Variants in CWF19L2 observed in about 807,000 individuals in gnomAD.
The protein encoded by CWF19L2 is CWF19 like cell cycle control factor 2, also known as CWF19-like protein 2.
CWF19L2 carries 98 observed loss-of-function variants against 111.7 expected under a neutral mutation model. The ratio of observed to expected loss-of-function variants is 0.88; its 90% CI spans 0.75 to 1.04. The LOEUF (loss-of-function observed/expected upper bound fraction) is 1.04. Ranked by LOEUF, CWF19L2 falls within the 50% of genes least tolerant of loss-of-function variation. The probability of loss-of-function intolerance (pLI) is 0.00; values close to 1 mark genes in which losing one functional copy is unlikely to be tolerated. For missense variants in CWF19L2, 1,101 were observed against 1,051.4 expected (o/e 1.05, Z -0.65); for synonymous variants, 351 against 342.9 (o/e 1.02, Z -0.26).
At chr11:107,401,188 T>C (rs533425698) in intron 10 of CWF19L2, among the ~76,000 whole-genome samples, 1 of 152,248 alleles carries the variant, frequency 6.6e-6, no homozygotes, top group South Asian at 2.1e-4. Context: ...CCACTCCTCT[T>C]CAACACAGTA....
At chr11:107,413,128 G>T (rs1418716406) in intron 10 of CWF19L2, among the ~76,000 whole-genome samples, 1 of 152,100 alleles carries the variant, frequency 6.6e-6, no homozygotes, top group African/African-American at 2.4e-5. Flanking sequence ...ATAGACTTTG[G>T]GTGATACAGT....
intron 3 of CWF19L2, among the ~76,000 whole-genome samples, chr11:107,445,728 CACCCCAA>C (rs1861692709): frequency 6.6e-6 from 1 of 152,106 alleles, no homozygotes; most frequent in African/African-American, 2.4e-5. Flanking sequence ...TCCAACCCCT[CACCCCAA>C]ATACATTTAG....
chr11:107,338,126 C>T (rs957377790), intron 14 of CWF19L2, among the ~76,000 whole-genome samples: 4 of 152,122 alleles, frequency 2.6e-5, no homozygotes, highest in Non-Finnish European at 5.9e-5. Context: ...TGGCTATTCA[C>T]AGGTGTGATC....
intron 8 of CWF19L2, among the ~76,000 whole-genome samples, chr11:107,420,377 TCAAA>T (rs1221183812): frequency 1.3e-5 from 2 of 152,126 alleles, no homozygotes; most frequent in South Asian, 2.1e-4. Context: ...TACATTAATA[TCAAA>T]CAAACAAGAT....
chr11:107,349,383 G>C (rs1860126719), intron 13 of CWF19L2, among the ~76,000 whole-genome samples: 1 of 152,156 alleles, frequency 6.6e-6, no homozygotes, highest in Non-Finnish European at 1.5e-5. Flanking sequence ...GAAGGAGCTA[G>C]ATACTTTGAC....
At chr11:107,383,400 G>C (rs898050118) in intron 12 of CWF19L2, among the ~76,000 whole-genome samples, 1 of 152,186 alleles carries the variant, frequency 6.6e-6, no homozygotes, top group African/African-American at 2.4e-5. Flanking sequence ...TTTGGTCACA[G>C]AAGTCTTCTG....
chr11:107,330,223 T>C (rs555279015), intron 16 of CWF19L2, among the ~76,000 whole-genome samples: 7 of 152,214 alleles, frequency 4.6e-5, no homozygotes, highest in Admixed American at 2.0e-4. Flanking sequence ...TTCAGCCAGA[T>C]AGTTCATCAT....
At position 107,376,604 on chromosome 11, in the gene CWF19L2, G is replaced by C. The variant is rs1353051154; in HGVS notation, c.1872+13470C>G. Among the ~76,000 whole-genome samples, 6 of 49,428 alleles carry C rather than the reference G, an allele frequency of 1.2e-4. 1 individual carries two copies. Among genetic ancestry groups the C allele is most frequent in the Non-Finnish European group, 2.1e-4 (6 of 28,730 alleles). The allele number at this position is 49,428 out of a possible 152,430, so 32.4% of individuals were successfully genotyped here. On this transcript the variant is annotated intron_variant, in intron 12 of 17. Transcript: ENST00000282251. ...AACTCTCAATAAATTAGGTATTGAT[G>C]GGACGTATCTCAAAATAATAAGAGC...
At chr11:107,405,134 T>G (rs1432751774) in intron 10 of CWF19L2, among the ~76,000 whole-genome samples, 1 of 152,230 alleles carries the variant, frequency 6.6e-6, no homozygotes, top group Non-Finnish European at 1.5e-5. Flanking sequence ...CAATAGTATT[T>G]CATGACAGAT....
rs1861494479 is a variant in CWF19L2, at chr11:107,433,554, G to A, written c.780+80C>T. On this transcript the variant is annotated intron_variant, in intron 7 of 17. Coordinates refer to ENST00000282251, the MANE Select transcript of CWF19L2 (RefSeq NM_152434.3). ...ATGAAATATTAATTCAATTCTTCAT[G>A]GCACAAAACAAAGCTAAAGGCACTT... is the stretch of plus-strand genomic sequence containing the variant. 1.5e-5 allele frequency: 7 copies of A among 460,500 alleles called. No individual in the cohort carries two copies. The East Asian group carries it at 2.7e-4, about 18-fold the overall frequency. 28.5% of individuals were successfully genotyped at this position (460,500 alleles called of 1,614,324 possible). A position where few individuals can be genotyped will look rare whatever the true frequency, so the allele number is the denominator to read the frequency against.
chr11:107,405,687 G>A (rs1861066510), intron 10 of CWF19L2, among the ~76,000 whole-genome samples: 1 of 152,088 alleles, frequency 6.6e-6, no homozygotes, highest in African/African-American at 2.4e-5. Flanking sequence ...AATGAGATGA[G>A]CCCTAGGATG....
intron 14 of CWF19L2, chr11:107,345,440 G>A (rs1431264109): frequency 4.5e-6 from 2 of 449,210 alleles, no homozygotes; most frequent in African/African-American, 2.0e-5. Flanking sequence ...CTTCATGTTT[G>A]TTCATACTCC....
chr11:107,342,686 CCAAGATAT>C (rs1446027816), intron 14 of CWF19L2, among the ~76,000 whole-genome samples: 1 of 151,990 alleles, frequency 6.6e-6, no homozygotes, highest in Non-Finnish European at 1.5e-5. Context: ...CTAATGGCCC[CCAAGATAT>C]CCAGGTCCTA....
intron 10 of CWF19L2, among the ~76,000 whole-genome samples, chr11:107,408,063 G>A (rs1413339496): frequency 6.6e-6 from 1 of 151,916 alleles, no homozygotes; most frequent in Non-Finnish European, 1.5e-5. Context: ...AATGGTAACA[G>A]GATCCCAAAA....
At chr11:107,441,817 T>C (rs1861622958) in intron 4 of CWF19L2, among the ~76,000 whole-genome samples, 195 bp from the exon 5 acceptor site, 1 of 152,218 alleles carries the variant, frequency 6.6e-6, no homozygotes, top group Admixed American at 6.5e-5. Flanking sequence ...CTCTATAAAA[T>C]GGTATAAAAT....
At chr11:107,406,509 G>A (rs2135389544) in intron 10 of CWF19L2, among the ~76,000 whole-genome samples, 1 of 152,252 alleles carries the variant, frequency 6.6e-6, no homozygotes, top group Admixed American at 6.5e-5. Context: ...CCTAGCCCAA[G>A]GCTACTATTT....
chr11:107,332,086 C>T (rs1054236057), intron 16 of CWF19L2, among the ~76,000 whole-genome samples: 6 of 152,170 alleles, frequency 3.9e-5, no homozygotes, highest in Admixed American at 3.3e-4. Context: ...AGATGTTACT[C>T]CTGACTTCTT....
intron 12 of CWF19L2, among the ~76,000 whole-genome samples, chr11:107,383,514 A>C (rs942031650): frequency 6.6e-6 from 1 of 152,182 alleles, no homozygotes; most frequent in African/African-American, 2.4e-5. Context: ...CTTTTCATTA[A>C]TTATGTAGTA....
chr11:107,414,458 A>G (rs1051135766), intron 10 of CWF19L2, among the ~76,000 whole-genome samples: 15 of 152,212 alleles, frequency 9.9e-5, no homozygotes, highest in Non-Finnish European at 1.9e-4. Context: ...GCAGTATCAT[A>G]GATTTAAATA....
Sources: allele counts gnomAD v4.1 joint callset (sites outside exome capture counted in the v4.1 genomes callset), GRCh38; gene constraint gnomAD v4.1.1; transcripts MANE v1.5; gene names NCBI Gene and HGNC (gene_info 2026-07-23, HGNC 2026-07-21).